The following ORC2 variants were observed in gnomAD, a reference collection of about 807,000 sequenced individuals.
ORC2 encodes origin recognition complex protein 2 homolog.
Under a neutral mutation model 77.7 loss-of-function variants are expected in ORC2, and 37 were observed. That is an observed-to-expected ratio of 0.48 (90% CI 0.37 to 0.63). ORC2 has a LOEUF of 0.63. ORC2 is among the 20% of genes least tolerant of loss of function. ORC2 has a pLI of 0.00. For synonymous variants in ORC2, 201 were observed against 229.5 expected, an observed-to-expected ratio of 0.88 and a Z score of 1.12; for missense variants, 557 against 661.9, an observed-to-expected ratio of 0.84 and a Z score of 1.74.
chr2:200,958,175 C>A (rs948963877), intron 2 of ORC2, 42 bp from the exon 3 acceptor site: 2 of 1,087,416 alleles, frequency 1.8e-6, no homozygotes, highest in African/African-American at 1.5e-5. Context: ...ATGAAGAATT[C>A]ATATCAACCA....
At chr2:200,950,259 A>C (rs2041327761) in intron 4 of ORC2, among the ~76,000 whole-genome samples, 1 of 152,150 alleles carries the variant, frequency 6.6e-6, no homozygotes, top group Non-Finnish European at 1.5e-5. Context: ...TGAACCTGGG[A>C]GGCAGAGGTT....
At chr2:200,940,803 A>AAAAC (rs146450404) in intron 7 of ORC2, among the ~76,000 whole-genome samples, 22 of 152,088 alleles carry the variant, frequency 1.4e-4, no homozygotes, top group East Asian at 7.7e-4. Flanking sequence ...CTCCGTCTCA[A>AAAAC]AAACAAACAA....
chr2:200,926,967 C>A, intron 11 of ORC2, 67 bp from the exon 12 acceptor site: 1 of 1,474,014 alleles, frequency 6.8e-7, no homozygotes, highest in East Asian at 2.3e-5. Context: ...TTATTATCAA[C>A]CAGTTTCCTT....
chr2:200,962,484 C>T (rs1159199896), intron 1 of ORC2, among the ~76,000 whole-genome samples: 1 of 152,236 alleles, frequency 6.6e-6, no homozygotes, highest in East Asian at 1.9e-4. Flanking sequence ...CCAATCTCCA[C>T]TCCATACTTT....
intron 4 of ORC2, among the ~76,000 whole-genome samples, 179 bp from the exon 5 acceptor site, chr2:200,949,822 A>G (rs1028089447): frequency 5.3e-5 from 8 of 152,336 alleles, no homozygotes; most frequent in Admixed American, 2.0e-4. Context: ...AACTGTTTAT[A>G]TAAGTTTTAA....
chr2:200,952,556 C>T (rs987903437), intron 4 of ORC2, among the ~76,000 whole-genome samples: 4 of 151,802 alleles, frequency 2.6e-5, no homozygotes, highest in African/African-American at 4.8e-5. Context: ...CCACCGCGCC[C>T]GGCCTATATA....
At chr2:200,935,656 T>G (rs760833988) in intron 9 of ORC2, 43 bp downstream of exon 9, 1 of 1,371,958 alleles carries the variant, frequency 7.3e-7, no homozygotes, top group East Asian at 2.5e-5. Context: ...TTTGAAATAT[T>G]ACACAATTTT....
At chr2:200,955,636 T>C (rs141565268) in intron 4 of ORC2, among the ~76,000 whole-genome samples, 199 of 152,270 alleles carry the variant, frequency 1.3e-3, no homozygotes, top group African/African-American at 4.6e-3. Flanking sequence ...CACATGTACA[T>C]GAAGAAAATA....
chr2:200,928,702 T>C (rs2040885249), intron 11 of ORC2, among the ~76,000 whole-genome samples: 1 of 151,440 alleles, frequency 6.6e-6, no homozygotes, highest in South Asian at 2.1e-4. Flanking sequence ...TAGTCCCAGC[T>C]ACTCAGGAGG....
chr2:200,936,542 T>C (rs1487758364), intron 8 of ORC2, among the ~76,000 whole-genome samples: 1 of 152,234 alleles, frequency 6.6e-6, no homozygotes, highest in Non-Finnish European at 1.5e-5. Context: ...ATGATACTGT[T>C]AAGTCACATC....
intron 4 of ORC2, among the ~76,000 whole-genome samples, chr2:200,956,609 C>T (rs1351144845): frequency 1.3e-5 from 2 of 151,982 alleles, no homozygotes; most frequent in African/African-American, 2.4e-5. Context: ...GGATCACAGG[C>T]GTGAGCCACC....
intron 7 of ORC2, among the ~76,000 whole-genome samples, chr2:200,939,394 A>AT (rs1318224876): frequency 1.3e-5 from 2 of 151,974 alleles, no homozygotes; most frequent in African/African-American, 4.8e-5. Context: ...CTAATAAATA[A>AT]TTTTTTCCTA....
rs551393534 is a variant in ORC2, at chr2:200,910,911, C to T, written c.*390G>A. On this transcript the variant is annotated 3_prime_UTR_variant, in exon 18 of 18. Transcript: ENST00000234296. ...TGATGCCCATGTCTTTATACTTCCA[C>T]ACTCTGGAACAAACACACTTGCAAA... 7.4e-5 allele frequency: 12 copies of T among 162,744 alleles called. No homozygotes were observed. The East Asian group carries it at 2.0e-3, about 27-fold the overall frequency. The allele number at this position is 162,744 out of a possible 1,614,324, so 10.1% of individuals were successfully genotyped here. A position where few individuals can be genotyped will look rare whatever the true frequency, so the allele number is the denominator to read the frequency against.
intron 10 of ORC2, 130 bp from the exon 11 acceptor site, chr2:200,931,578 G>A: frequency 2.0e-6 from 1 of 488,620 alleles, no homozygotes. Flanking sequence ...AATCTGGTTT[G>A]GCAATGAGTA....
At chr2:200,941,349 AAAAGT>A (rs2041148965) in intron 6 of ORC2, 70 bp from the exon 7 acceptor site, 1 of 1,448,792 alleles carries the variant, frequency 6.9e-7, no homozygotes, top group Non-Finnish European at 9.6e-7. Context: ...TAGTTTCATT[AAAAGT>A]AAAGTTTGCC....
rs16836049 is a variant in ORC2 at position 200,938,485 on chromosome 2, C to T, written c.454-519G>A. Among the ~76,000 whole-genome samples the T allele has an allele frequency of 9.6e-3, 1,466 of 152,254 alleles. 19 individuals carry two copies. The highest frequency in any genetic ancestry group is 0.034 in the African/African-American group (1,397 of 41,552). On this transcript the variant is annotated intron_variant, in intron 7 of 17. Transcript: ENST00000234296. Reference sequence around the variant, plus strand: ...CTTTGAGGAGAGAAGGAGAGATTTACACTTTCTTACTTTCTGTATTTAAAA... The same window carrying T: ...CTTTGAGGAGAGAAGGAGAGATTTATACTTTCTTACTTTCTGTATTTAAAA...
At chr2:200,921,718 C>G (rs2040765893) in intron 13 of ORC2, 1 of 152,212 alleles carries the variant, frequency 6.6e-6, no homozygotes, top group Non-Finnish European at 1.5e-5. Context: ...CTCACTGCAA[C>G]CCTGACATCC....
Position 200,958,218 on chromosome 2 carries a change from C to T in ORC2, c.-10-85G>A, listed in dbSNP as rs187312233. ...AAACATTCACATAATGAATACATGT[C>T]TTTATCTAATATTTTTAAAGTCTTT... On this transcript the variant is annotated intron_variant, in intron 2 of 17. Transcript: ENST00000234296. The T allele has an allele frequency of 1.0e-3, 736 of 731,124 alleles. 2 individuals are homozygous for T. The African/African-American group carries it at 0.011, about 11-fold the overall frequency. The allele number at this position is 731,124 out of a possible 1,614,324, so 45.3% of individuals were successfully genotyped here. A position where few individuals can be genotyped will look rare whatever the true frequency, so the allele number is the denominator to read the frequency against.
rs1470111917 is a variant in ORC2 at position 200,909,797 on chromosome 2, C to T, written c.*1504G>A. The T allele has an allele frequency of 6.7e-6, 1 of 149,276 alleles. No individual in the cohort carries two copies. Among genetic ancestry groups the T allele is most frequent in the African/African-American group, 2.5e-5 (1 of 40,716 alleles). 9.2% of individuals were successfully genotyped at this position (149,276 alleles called of 1,614,324 possible). On this transcript the variant is annotated 3_prime_UTR_variant, in exon 18 of 18. Coordinates refer to ENST00000234296, the MANE Select transcript of ORC2 (RefSeq NM_006190.5). The stretch of plus-strand genomic sequence containing the variant: ...AAAAAAAAAAAGACAAGGTCTTGCT[C>T]TGCACCCAGACTGAAGTGCAGTGGC...
Sources: gnomAD v4.1 joint callset for allele counts (sites outside exome capture counted in the v4.1 genomes callset) on GRCh38, gnomAD v4.1.1 for gene constraint, MANE v1.5 for transcripts, NCBI Gene and HGNC (gene_info 2026-07-23, HGNC 2026-07-21) for gene names.